Variants in FBXL12 observed in about 807,000 individuals in gnomAD.
FBXL12 encodes F-box/LRR-repeat protein 12.
Under a neutral mutation model 24.9 loss-of-function variants are expected in FBXL12, and 22 were observed. That is an observed-to-expected ratio of 0.88 (90% CI 0.63 to 1.26). The LOEUF is 1.26. Ranked by LOEUF, FBXL12 falls within the 50% of genes most tolerant of loss-of-function variation. The pLI is 0.00. For synonymous variants in FBXL12, 193 were observed against 193.8 expected (o/e 1.00, Z 0.03); for missense variants, 384 against 434.1 (o/e 0.88, Z 1.03).
intron 2 of FBXL12, chr19:9,813,223 A>G: frequency 8.1e-7 from 1 of 1,230,552 alleles, no homozygotes; most frequent in African/African-American, 1.5e-5. Context: ...AAAAGTTAGC[A>G]TGCTTACATC....
At chr19:9,817,218 C>T (rs1278221312) in intron 2 of FBXL12, among the ~76,000 whole-genome samples, 1 of 152,128 alleles carries the variant, frequency 6.6e-6, no homozygotes, top group Non-Finnish European at 1.5e-5. Flanking sequence ...ATGGCTTGAG[C>T]CCAGGAGATG....
Position 9,811,691 on chromosome 19 carries a change from G to A in FBXL12, c.186C>T (p.Leu62=). 2 of 1,513,180 alleles carry A rather than the reference G, an allele frequency of 1.3e-6. No individual in the cohort carries two copies. The highest frequency in any genetic ancestry group is 1.3e-5 in the South Asian group (1 of 75,030). 93.7% of individuals were successfully genotyped at this position (1,513,180 alleles called of 1,614,324 possible). Residue 62 remains leucine (L), a synonymous_variant, in exon 3 of 3, where the codon CTC becomes CTT. Coordinates refer to ENST00000247977, the MANE Select transcript of FBXL12 (RefSeq NM_017703.3). The surrounding 1 kb of genome is among the most constrained non-coding windows in gnomAD (Gnocchi z 6.0). ...GCCGGGATGCCATGTACCTTCGAAG[G>A]AGGTGCCACATGACTTTAGGTCGCA... ...YTMRPKVMWH[L]LRRYMASRLH...
Position 9,810,953 on chromosome 19 carries a change from G to C in FBXL12, c.924C>G (p.Pro308=), listed in dbSNP as rs2045729533. Residue 308 remains proline (P), a synonymous_variant, in exon 3 of 3, where the codon CCC becomes CCG. Transcript: ENST00000247977. ...EAEKILCKGL[P]HCMVIVRACP... Reference sequence around the variant, plus strand: ...AAGCCCTGACGATGACCATACAGTGGGGCAGCCCCTTACACAGGATCTTCT... The same window carrying C: ...AAGCCCTGACGATGACCATACAGTGCGGCAGCCCCTTACACAGGATCTTCT... 1.2e-6 allele frequency: 2 copies of C among 1,610,412 alleles called. No individual in the cohort carries two copies. The highest frequency in any genetic ancestry group is 1.7e-6 in the Non-Finnish European group (2 of 1,177,272).
At chr19:9,818,318 GC>G in intron 2 of FBXL12, 1 of 576,792 alleles carries the variant, frequency 1.7e-6, no homozygotes, top group Non-Finnish European at 3.1e-6. Flanking sequence ...TCCCATAATA[GC>G]CCCGTGAGGC....
intron 2 of FBXL12, chr19:9,818,260 T>C (rs2145383606): frequency 4.4e-6 from 2 of 449,574 alleles, no homozygotes; most frequent in Non-Finnish European, 7.9e-6. Flanking sequence ...GAATGATAAA[T>C]ATGTGCCAGA....
At position 9,811,417 on chromosome 19, in the gene FBXL12, C is replaced by T. The variant is rs751923494; in HGVS notation, c.460G>A (p.Glu154Lys). ...QQDPTVLPLL[E>K]CIVLDRVPAF... ...GGGACGCGGTCCAGCACGATGCATTCAAGCAGGGGCAGCACGGTGGGGTCC... is the reference window on the plus strand; with the variant it reads ...GGGACGCGGTCCAGCACGATGCATTTAAGCAGGGGCAGCACGGTGGGGTCC... The change falls in exon 3 of 3, where the codon GAA becomes AAA. Residue 154 changes from glutamate to lysine, a missense_variant. Coordinates refer to ENST00000247977, the MANE Select transcript of FBXL12 (RefSeq NM_017703.3). The surrounding 1 kb of genome is among the most constrained non-coding windows in gnomAD (Gnocchi z 6.0). 1.9e-6 allele frequency: 3 copies of T among 1,613,544 alleles called. No individual in the cohort carries two copies. The South Asian group carries it at 3.3e-5, about 18-fold the overall frequency.
rs773578472 is a variant in FBXL12, at chr19:9,811,101, A to G, written c.776T>C (p.Leu259Pro). 1.2e-6 allele frequency: 2 copies of G among 1,608,032 alleles called. No individual in the cohort carries two copies. The highest frequency in any genetic ancestry group is 2.7e-5 in the African/African-American group (2 of 74,888). Residue 259 changes from leucine to proline, a missense_variant, in exon 3 of 3, where the codon CTG (leucine) becomes CCG (proline). By Grantham distance (98) the Leu-to-Pro change is moderately conservative. Transcript: ENST00000247977. The surrounding 1 kb of genome is among the most constrained non-coding windows in gnomAD (Gnocchi z 6.0). ...EGMPALESLC[L>P]QGPLVTPEMP... ...TTCTGGGGTGACGAGGGGACCCTGC[A>G]GGCACAGACTCTCCAGGGCCGGCAT...
Position 9,818,617 on chromosome 19 carries a change from CCT to C in FBXL12, c.87-2_87-1del, listed in dbSNP as rs2045936147. The C allele has an allele frequency of 1.3e-6, 2 of 1,554,134 alleles. No homozygotes were observed. The highest frequency in any genetic ancestry group is 1.7e-6 in the Non-Finnish European group (2 of 1,149,170). On this transcript the variant is annotated splice_acceptor_variant, in intron 1 of 2. Coordinates refer to ENST00000247977, the MANE Select transcript of FBXL12 (RefSeq NM_017703.3). LOFTEE classifies it high-confidence loss of function. ...CCAGCCTCTTCCAGCGGTGACAGAC[CCT>C]GGGGGAGGGGACGCGCGGTTAGAAC...
In FBXL12 at chr19:9,811,390, C is replaced by T. The variant is rs770789822; in HGVS notation, c.487G>A (p.Ala163Thr). Reference sequence around the variant, plus strand: ...CCCTGCAGGTGCTCGTCACGGAAGGCGGGGACGCGGTCCAGCACGATGCAT... The same window carrying T: ...CCCTGCAGGTGCTCGTCACGGAAGGTGGGGACGCGGTCCAGCACGATGCAT... ...LECIVLDRVP[A>T]FRDEHLQGLT... is the part of the protein sequence containing the mutation. Residue 163 changes from alanine (A) to threonine (T), a missense_variant, in exon 3 of 3, where the codon GCC becomes ACC. Ala to Thr is a moderately conservative substitution (Grantham distance 58). Coordinates refer to ENST00000247977, the MANE Select transcript of FBXL12 (RefSeq NM_017703.3). The surrounding 1 kb of genome is among the most constrained non-coding windows in gnomAD (Gnocchi z 6.0). 17 of 1,612,640 alleles carry T rather than the reference C, an allele frequency of 1.1e-5. No individual in the cohort carries two copies. Among genetic ancestry groups the T allele is most frequent in the Admixed American group, 5.0e-5 (3 of 59,998 alleles).
Position 9,810,782 on chromosome 19 carries a change from C to A in FBXL12, c.*114G>T. 1 of 829,192 alleles carries A rather than the reference C, an allele frequency of 1.2e-6. No homozygotes were observed. The highest frequency in any genetic ancestry group is 1.8e-6 in the Non-Finnish European group (1 of 540,864). The allele number at this position is 829,192 out of a possible 1,614,324, so 51.4% of individuals were successfully genotyped here. On this transcript the variant is annotated 3_prime_UTR_variant, in exon 3 of 3. Transcript: ENST00000247977. Reference sequence around the variant, plus strand: ...GGTCCCTAGGCCTCTGTTCTCTCAACCTGGGGCTTTCAGTTTCCTCAAGTC... The same window carrying A: ...GGTCCCTAGGCCTCTGTTCTCTCAAACTGGGGCTTTCAGTTTCCTCAAGTC...
Position 9,818,818 on chromosome 19 carries a change from C to G in FBXL12, c.-5G>C. 1 of 1,549,236 alleles carries G rather than the reference C, an allele frequency of 6.5e-7. No individual in the cohort carries two copies. Among genetic ancestry groups the G allele is most frequent in the Non-Finnish European group, 8.7e-7 (1 of 1,144,182 alleles). ...CAGTTCGACCAAAGTCGCCATGATC[C>G]CGCCGACACGCACTTCCGCTTCCGG... On this transcript the variant is annotated 5_prime_UTR_variant, in exon 1 of 3. Coordinates refer to ENST00000247977, the MANE Select transcript of FBXL12 (RefSeq NM_017703.3).
intron 2 of FBXL12, among the ~76,000 whole-genome samples, chr19:9,816,823 T>C (rs2145379602): frequency 6.6e-6 from 1 of 152,312 alleles, no homozygotes; most frequent in South Asian, 2.1e-4. Context: ...ACACTGCTGC[T>C]AAAGACATAC....
At chr19:9,817,366 T>TG (rs759617725) in intron 2 of FBXL12, among the ~76,000 whole-genome samples, 9 of 152,188 alleles carry the variant, frequency 5.9e-5, no homozygotes, top group Non-Finnish European at 1.0e-4. Context: ...AAATCTTCCT[T>TG]GCCAAATTTA....
At chr19:9,813,457 T>G (rs2145370273) in intron 2 of FBXL12, 1 of 317,086 alleles carries the variant, frequency 3.2e-6, no homozygotes, top group Non-Finnish European at 5.7e-6. Context: ...TGCCTTAGCC[T>G]CCTGAGTAGC....
Position 9,811,892 on chromosome 19 carries a change from T to C in FBXL12, c.160-175A>G, listed in dbSNP as rs2045763317. Among the ~76,000 whole-genome samples the C allele has an allele frequency of 6.6e-6, 1 of 151,982 alleles. No homozygotes were observed. On this transcript the variant is annotated intron_variant, in intron 2 of 2. Transcript: ENST00000247977. This position sits in a 1 kb window ranked among gnomAD's most constrained non-coding sequence, Gnocchi z 6.0. Reference sequence around the variant, plus strand: ...ACCTCCCCAGGTTCAACCAGATGGTTTGAGTGCACCATCTTGCCTGCTAGG... The same window carrying C: ...ACCTCCCCAGGTTCAACCAGATGGTCTGAGTGCACCATCTTGCCTGCTAGG...
In FBXL12 at chr19:9,811,739, G is replaced by C. The variant is rs747864542; in HGVS notation, c.160-22C>G. ...GCATCTGTAAGAGCCAGAGATTGGG[G>C]TGACAGAGTGAGAGGTATGGAGCTT... On this transcript the variant is annotated intron_variant, in intron 2 of 2. Coordinates refer to ENST00000247977, the MANE Select transcript of FBXL12 (RefSeq NM_017703.3). The surrounding 1 kb of genome is among the most constrained non-coding windows in gnomAD (Gnocchi z 6.0). 2 of 1,502,604 alleles carry C rather than the reference G, an allele frequency of 1.3e-6. No individual in the cohort carries two copies. The highest frequency in any genetic ancestry group is 1.4e-5 in the African/African-American group (1 of 71,448). The allele number at this position is 1,502,604 out of a possible 1,614,324, so 93.1% of individuals were successfully genotyped here.
rs550851097 is a variant in FBXL12, at chr19:9,810,913, T to C, written c.964A>G (p.Met322Val). Residue 322 changes from methionine (M) to valine (V), a missense_variant, in exon 3 of 3, where the codon ATG (methionine) becomes GTG (valine). Met to Val is a conservative substitution (Grantham distance 21). Transcript: ENST00000247977. ...VIVRACPKES[M>V]DWWM ...TGGAGTAGTTACATCCACCAGTCCA[T>C]AGACTCTTTGGGGCAAGCCCTGACG... 2.5e-6 allele frequency: 4 copies of C among 1,592,270 alleles called. No individual in the cohort carries two copies. Among genetic ancestry groups the C allele is most frequent in the Admixed American group, 1.7e-5 (1 of 59,506 alleles).
intron 2 of FBXL12, chr19:9,818,277 T>A (rs1282801968): frequency 1.8e-6 from 1 of 556,122 alleles, no homozygotes; most frequent in Non-Finnish European, 3.2e-6. Context: ...CAGACTGTTC[T>A]AAGCCCTTTC....
chr19:9,814,162 CA>C, intron 2 of FBXL12: 4 of 168,042 alleles, frequency 2.4e-5, no homozygotes, highest in Non-Finnish European at 2.5e-5. Context: ...GGGGAGGCCT[CA>C]AAATCATGGC....
Sources: gnomAD v4.1 joint callset for allele counts (sites outside exome capture counted in the v4.1 genomes callset) on GRCh38, gnomAD v4.1.1 for gene constraint, Gnocchi (gnomAD v3.1) non-coding constraint, MANE v1.5 for transcripts, NCBI Gene and HGNC (gene_info 2026-07-23, HGNC 2026-07-21) for gene names.